The following AGFG1 variants were observed in gnomAD, a reference collection of about 807,000 sequenced individuals.
AGFG1 encodes the protein ArfGAP with FG repeats 1.
AGFG1 carries 10 observed loss-of-function variants against 60.6 expected under a neutral mutation model. That is an observed-to-expected ratio of 0.16 (90% CI 0.10 to 0.28). The LOEUF (loss-of-function observed/expected upper bound fraction) is 0.28. Among genes scored for constraint, AGFG1 ranks in the 10% least tolerant of loss-of-function variants. The pLI, the probability that AGFG1 is intolerant of heterozygous loss-of-function variation, is 1.00. For missense variants in AGFG1, 537 were observed against 676.5 expected, an observed-to-expected ratio of 0.79 and a Z score of 2.29; for synonymous variants, 247 against 242.9, an observed-to-expected ratio of 1.02 and a Z score of -0.16.
intron 7 of AGFG1, among the ~76,000 whole-genome samples, chr2:227,534,562 G>C (rs1025865237): frequency 6.6e-6 from 1 of 152,146 alleles, no homozygotes; most frequent in Admixed American, 6.6e-5. Flanking sequence ...AGATGTTAAC[G>C]TAAGAGCACT....
At chr2:227,496,784 G>A (rs1461508805) in intron 2 of AGFG1, among the ~76,000 whole-genome samples, 2 of 152,172 alleles carry the variant, frequency 1.3e-5, no homozygotes, top group Admixed American at 6.5e-5. Flanking sequence ...AGTGGTAGAA[G>A]TTATAAGAAG....
intron 1 of AGFG1, among the ~76,000 whole-genome samples, chr2:227,483,790 G>A (rs773699269): frequency 2.0e-5 from 3 of 152,152 alleles, no homozygotes; most frequent in Non-Finnish European, 2.9e-5. Flanking sequence ...TTGGGTGAAC[G>A]TAAGTTTTCA....
intron 2 of AGFG1, among the ~76,000 whole-genome samples, chr2:227,515,986 A>G (rs1691639016): frequency 6.6e-6 from 1 of 152,188 alleles, no homozygotes; most frequent in African/African-American, 2.4e-5. Flanking sequence ...GTCTGTGTTA[A>G]ATGAATCTTA....
At chr2:227,547,171 TTAG>T (rs1365064276) in intron 10 of AGFG1, among the ~76,000 whole-genome samples, 1 of 152,156 alleles carries the variant, frequency 6.6e-6, no homozygotes, top group Non-Finnish European at 1.5e-5. Context: ...ATCTAAATAC[TTAG>T]TAGGCTCACT....
At chr2:227,475,542 T>A (rs761652149) in intron 1 of AGFG1, among the ~76,000 whole-genome samples, 1 of 152,204 alleles carries the variant, frequency 6.6e-6, no homozygotes, top group Non-Finnish European at 1.5e-5. Flanking sequence ...GAAAATAATT[T>A]AGGAAGAATA....
intron 5 of AGFG1, among the ~76,000 whole-genome samples, chr2:227,525,379 C>T (rs890468275): frequency 5.3e-5 from 8 of 152,108 alleles, no homozygotes; most frequent in African/African-American, 1.9e-4. Context: ...ATATTAGTAG[C>T]ATCATTCCCT....
rs975544443 is a variant in AGFG1 at position 227,552,680 on chromosome 2, T to G, written c.1537+563T>G. ...TATGTGGTTTCTTTTTTCTTTTTTT[T>G]TTTTTTTAAGTAAGTGGTTATTTAA... On this transcript the variant is annotated intron_variant, in intron 11 of 12. Coordinates refer to ENST00000310078, the MANE Select transcript of AGFG1 (RefSeq NM_004504.5). Among the ~76,000 whole-genome samples the G allele has an allele frequency of 3.3e-5, 5 of 151,788 alleles. No homozygotes were observed. The East Asian group carries it at 9.6e-4, about 29-fold the overall frequency.
At chr2:227,516,090 A>T (rs1235547321) in intron 2 of AGFG1, among the ~76,000 whole-genome samples, 1 of 152,230 alleles carries the variant, frequency 6.6e-6, no homozygotes, top group Non-Finnish European at 1.5e-5. Context: ...GTTCTGATAC[A>T]GAGGCAAGGA....
rs1274973664 is a variant in AGFG1 at position 227,472,369 on chromosome 2, G to GCAGCGCTGCCCGGCTCCCGGCC, written c.-51_-30dup. The GCAGCGCTGCCCGGCTCCCGGCC allele has an allele frequency of 8.9e-7, 1 of 1,127,694 alleles. No homozygotes were observed. Among genetic ancestry groups the GCAGCGCTGCCCGGCTCCCGGCC allele is most frequent in the Non-Finnish European group, 1.1e-6 (1 of 911,228 alleles). 69.9% of individuals were successfully genotyped at this position (1,127,694 alleles called of 1,614,324 possible). A position where few individuals can be genotyped will look rare whatever the true frequency, so the allele number is the denominator to read the frequency against. ...GCCCGTGGGACCGCGGGCCCCCGGC[G>GCAGCGCTGCCCGGCTCCCGGCC]CAGCGCTGCCCGGCTCCCGGCCCTG... is the stretch of plus-strand genomic sequence containing the variant. On this transcript the variant is annotated 5_prime_UTR_variant, in exon 1 of 13. Transcript: ENST00000310078.
intron 8 of AGFG1, 63 bp from the exon 9 acceptor site, chr2:227,536,562 G>A (rs1692319414): frequency 2.1e-6 from 3 of 1,432,386 alleles, no homozygotes; most frequent in African/African-American, 1.4e-5. Flanking sequence ...TGGCTACCCT[G>A]TAAATCGTTA....
At chr2:227,534,369 T>C (rs909638726) in intron 7 of AGFG1, among the ~76,000 whole-genome samples, 4 of 152,204 alleles carry the variant, frequency 2.6e-5, no homozygotes, top group Non-Finnish European at 1.5e-5. Context: ...TATTATTGCA[T>C]GTTAAGGCAT....
chr2:227,497,730 G>T (rs1295771392), intron 2 of AGFG1, among the ~76,000 whole-genome samples: 692 of 38,870 alleles, frequency 0.018, 26 homozygotes, highest in Middle Eastern at 0.12. Context: ...TTTCTTTCTT[G>T]TTTTGTTTTT....
intron 1 of AGFG1, among the ~76,000 whole-genome samples, chr2:227,483,743 A>G (rs1395891525): frequency 6.6e-6 from 1 of 152,134 alleles, no homozygotes; most frequent in Non-Finnish European, 1.5e-5. Flanking sequence ...TTTGATATAT[A>G]TGAATGGAAA....
At chr2:227,501,459 ATCTT>A (rs1310007986) in intron 2 of AGFG1, among the ~76,000 whole-genome samples, 1 of 152,236 alleles carries the variant, frequency 6.6e-6, no homozygotes, top group African/African-American at 2.4e-5. Flanking sequence ...AAACTTAAGA[ATCTT>A]AAGTGTACTT....
intron 3 of AGFG1, among the ~76,000 whole-genome samples, chr2:227,523,378 C>T (rs1039226467): frequency 2.6e-5 from 4 of 152,050 alleles, no homozygotes; most frequent in Non-Finnish European, 4.4e-5. Context: ...CCTCATCTTT[C>T]TTCAAATGTT....
chr2:227,524,592 T>C (rs973616974), intron 4 of AGFG1, among the ~76,000 whole-genome samples, 170 bp from the exon 5 acceptor site: 5 of 152,220 alleles, frequency 3.3e-5, no homozygotes, highest in African/African-American at 4.8e-5. Context: ...CTAAGACATT[T>C]AGATAAATTT....
At chr2:227,478,905 T>C (rs147577565) in intron 1 of AGFG1, among the ~76,000 whole-genome samples, 17 of 152,358 alleles carry the variant, frequency 1.1e-4, no homozygotes, top group Admixed American at 9.8e-4. Flanking sequence ...TCTCTAAAAA[T>C]ACTTAGTTTA....
intron 1 of AGFG1, among the ~76,000 whole-genome samples, chr2:227,486,574 T>C (rs985022707): frequency 2.0e-5 from 3 of 151,856 alleles, no homozygotes; most frequent in African/African-American, 7.3e-5. Context: ...GTTTTCTAAC[T>C]TAAATTTTAA....
chr2:227,551,881 T>C, intron 10 of AGFG1, 78 bp from the exon 11 acceptor site: 2 of 1,494,648 alleles, frequency 1.3e-6, no homozygotes, highest in Non-Finnish European at 1.8e-6. Context: ...GTAAATGATG[T>C]CTTTTTACAT....
Sources: gnomAD v4.1 joint callset for allele counts (sites outside exome capture counted in the v4.1 genomes callset) on GRCh38, gnomAD v4.1.1 for gene constraint, MANE v1.5 for transcripts, NCBI Gene and HGNC (gene_info 2026-07-23, HGNC 2026-07-21) for gene names.